The following KCNT2 variants were observed in gnomAD, a reference collection of about 807,000 sequenced individuals.
The protein encoded by KCNT2 is potassium sodium-activated channel subfamily T member 2.
A neutral mutation model predicts 153.8 loss-of-function variants in KCNT2; 67 were observed. That is an observed-to-expected ratio of 0.44 (90% CI 0.36 to 0.53). The LOEUF is 0.53. KCNT2 is among the 20% of genes least tolerant of loss of function. The probability of loss-of-function intolerance (pLI) is 0.00; values close to 1 mark genes in which losing one functional copy is unlikely to be tolerated. For missense variants in KCNT2, 975 were observed against 1,354.8 expected, an observed-to-expected ratio of 0.72 and a Z score of 4.40; for synonymous variants, 500 against 458.8, an observed-to-expected ratio of 1.09 and a Z score of -1.15.
intron 25 of KCNT2, 118 bp from the exon 26 acceptor site, chr1:196,258,612 G>T: frequency 1.2e-6 from 1 of 825,338 alleles, no homozygotes; most frequent in South Asian, 1.6e-5. Flanking sequence ...AGTTTTCACA[G>T]AAAGAGCAAA....
intron 8 of KCNT2, among the ~76,000 whole-genome samples, chr1:196,433,989 G>A (rs1408117751): frequency 6.6e-6 from 1 of 151,724 alleles, no homozygotes; most frequent in African/African-American, 2.4e-5. Context: ...TTCACTTCAG[G>A]TCTCCAAAAT....
intron 25 of KCNT2, among the ~76,000 whole-genome samples, chr1:196,272,078 A>G (rs1340041511): frequency 6.6e-6 from 1 of 151,952 alleles, no homozygotes; most frequent in African/African-American, 2.4e-5. Flanking sequence ...TCTGCTACAT[A>G]TAGCCAAAGT....
At chr1:196,318,295 G>T (rs150937781) in intron 20 of KCNT2, among the ~76,000 whole-genome samples, 241 of 151,834 alleles carry the variant, frequency 1.6e-3, no homozygotes, top group Non-Finnish European at 2.8e-3. Context: ...TTTAAAGAAA[G>T]ATTTCAAATA....
intron 17 of KCNT2, among the ~76,000 whole-genome samples, chr1:196,333,402 CACT>C (rs1381426497): frequency 6.6e-6 from 1 of 151,986 alleles, no homozygotes; most frequent in Non-Finnish European, 1.5e-5. Context: ...AAGTGCTGAA[CACT>C]GAGATAAGTA....
At chr1:196,503,660 G>T (rs998128083) in intron 1 of KCNT2, among the ~76,000 whole-genome samples, 2 of 152,176 alleles carry the variant, frequency 1.3e-5, no homozygotes, top group African/African-American at 2.4e-5. Flanking sequence ...ATATGTGTTT[G>T]TGGAGAGGGA....
chr1:196,306,125 C>A (rs970659857), intron 21 of KCNT2, among the ~76,000 whole-genome samples: 39 of 151,914 alleles, frequency 2.6e-4, no homozygotes, highest in Non-Finnish European at 3.5e-4. Context: ...ATCTATGCAT[C>A]CCTGGTAGCT....
At chr1:196,261,049 G>T (rs1441913272) in intron 25 of KCNT2, among the ~76,000 whole-genome samples, 3 of 151,920 alleles carry the variant, frequency 2.0e-5, no homozygotes, top group South Asian at 4.1e-4. Context: ...GTGTGTGTTT[G>T]TGTGTTTTAA....
chr1:196,507,458 A>G lies in KCNT2; in HGVS notation c.96-15117T>C, dbSNP rs985418641. Among the ~76,000 whole-genome samples, 4 of 152,324 alleles carry G rather than the reference A, an allele frequency of 2.6e-5. 1 individual carries two copies. Among genetic ancestry groups the G allele is most frequent in the African/African-American group, 9.6e-5 (4 of 41,578 alleles). On this transcript the variant is annotated intron_variant, in intron 1 of 27. Transcript: ENST00000294725. ...CCAAAGGATTTCTGCCTAATTTAAA[A>G]AGATAATTTCAAAGGTTGTGGTTTA...
At position 196,355,992 on chromosome 1, in the gene KCNT2, T is replaced by C. The variant is rs1667143732; in HGVS notation, c.1404-13764A>G. Among the ~76,000 whole-genome samples the C allele has an allele frequency of 2.6e-5, 4 of 151,780 alleles. No individual in the cohort carries two copies. In the South Asian group the frequency reaches 6.2e-4, roughly 24 times the overall value. Reference sequence around the variant, plus strand: ...TATTACATTGCTATATCTGTACCTTTAGTTTAAAACATTGTAGTGAATTTC... The same window carrying C: ...TATTACATTGCTATATCTGTACCTTCAGTTTAAAACATTGTAGTGAATTTC... On this transcript the variant is annotated intron_variant, in intron 14 of 27. Coordinates refer to ENST00000294725, the MANE Select transcript of KCNT2 (RefSeq NM_198503.5).
intron 19 of KCNT2, among the ~76,000 whole-genome samples, chr1:196,320,543 G>T (rs1288667565): frequency 6.6e-6 from 1 of 151,690 alleles, no homozygotes; most frequent in African/African-American, 2.4e-5. Context: ...AGTTTGTTCA[G>T]CATATGAGGA....
At chr1:196,433,687 T>G (rs994422634) in intron 8 of KCNT2, among the ~76,000 whole-genome samples, 1 of 152,114 alleles carries the variant, frequency 6.6e-6, no homozygotes, top group African/African-American at 2.4e-5. Flanking sequence ...GGCTCAATTA[T>G]GACAACCATG....
rs571150709 is a variant in KCNT2, at chr1:196,460,648, A to G, written c.638+4645T>C. On this transcript the variant is annotated intron_variant, in intron 8 of 27. Transcript: ENST00000294725. ...TGTTGAAGAAGCATAAACCTTGACCATATTCCATAATTTAGACAGACTACA... is the reference window on the plus strand; with the variant it reads ...TGTTGAAGAAGCATAAACCTTGACCGTATTCCATAATTTAGACAGACTACA... Among the ~76,000 whole-genome samples the G allele has an allele frequency of 1.7e-3, 253 of 151,836 alleles. 1 individual carries two copies. The highest frequency in any genetic ancestry group is 5.8e-3 in the African/African-American group (242 of 41,518).
At position 196,290,538 on chromosome 1, in the gene KCNT2, A is replaced by ATG. The variant is rs553497317; in HGVS notation, c.2596-4782_2596-4781dup. ...AGTATATCTATGCATATACATATAT[A>ATG]TGTGTGTGTGTGTGTATATGTATAG... On this transcript the variant is annotated intron_variant, in intron 22 of 27. Transcript: ENST00000294725. 6.8e-4 allele frequency among the ~76,000 whole-genome samples: 103 copies of ATG among 151,132 alleles called. 1 individual carries two copies. The highest frequency in any genetic ancestry group is 3.8e-3 in the South Asian group (18 of 4,780).
chr1:196,390,204 T>A (rs553706156), intron 13 of KCNT2, among the ~76,000 whole-genome samples: 34 of 151,712 alleles, frequency 2.2e-4, no homozygotes, highest in African/African-American at 7.7e-4. Flanking sequence ...TTGTCACTTT[T>A]CTAAGTGGAT....
At chr1:196,315,849 T>C in intron 21 of KCNT2, 43 bp downstream of exon 21, 1 of 1,553,052 alleles carries the variant, frequency 6.4e-7, no homozygotes, top group Non-Finnish European at 8.7e-7. Context: ...TACCAATGTT[T>C]AGCACAAAGT....
intron 1 of KCNT2, among the ~76,000 whole-genome samples, chr1:196,567,345 G>A (rs1278929852): frequency 2.0e-5 from 3 of 152,018 alleles, no homozygotes; most frequent in Non-Finnish European, 4.4e-5. Flanking sequence ...TCTGTCAAGG[G>A]CAAAGATCAA....
chr1:196,238,945 C>T (rs1235719679), intron 26 of KCNT2, among the ~76,000 whole-genome samples: 2 of 151,842 alleles, frequency 1.3e-5, no homozygotes, highest in Non-Finnish European at 2.9e-5. Flanking sequence ...ATTTTGTCTC[C>T]ATCAGTCATT....
chr1:196,455,004 A>G (rs1338660404), intron 8 of KCNT2, among the ~76,000 whole-genome samples: 3 of 151,912 alleles, frequency 2.0e-5, no homozygotes, highest in Admixed American at 6.6e-5. Flanking sequence ...CTGGCTCTTG[A>G]CCAGGAGTCA....
intron 14 of KCNT2, among the ~76,000 whole-genome samples, chr1:196,372,915 A>G (rs2148331757): frequency 6.6e-6 from 1 of 152,004 alleles, no homozygotes. Context: ...GCAACAAACT[A>G]TCTCAAGACT....
Sources: allele counts gnomAD v4.1 joint callset (sites outside exome capture counted in the v4.1 genomes callset), GRCh38; gene constraint gnomAD v4.1.1; transcripts MANE v1.5; gene names NCBI Gene and HGNC (gene_info 2026-07-23, HGNC 2026-07-21).